Variants in GRIA3 observed in about 807,000 individuals in gnomAD.
GRIA3 encodes glutamate receptor 3.
Under a neutral mutation model 63.0 loss-of-function variants are expected in GRIA3, and 3 were observed. That is an observed-to-expected ratio of 0.05 (90% CI 0.02 to 0.12). The LOEUF is 0.12. Among genes scored for constraint, GRIA3 ranks in the 10% least tolerant of loss-of-function variants. The probability of loss-of-function intolerance (pLI) is 1.00; values close to 1 mark genes in which losing one functional copy is unlikely to be tolerated. For missense variants in GRIA3, 347 were observed against 700.9 expected (o/e 0.50, Z 5.70); for synonymous variants, 274 against 257.9 (o/e 1.06, Z -0.60).
chrX:123,296,808 A>G (rs1286068089), intron 3 of GRIA3, among the ~76,000 whole-genome samples: 1 of 111,211 alleles, frequency 9.0e-6, no homozygotes, highest in Non-Finnish European at 1.9e-5. Context: ...ACTCATCTTT[A>G]TATTGTTCAC....
chrX:123,462,377 C>A (rs1342817084), intron 12 of GRIA3, among the ~76,000 whole-genome samples: 2 of 111,979 alleles, frequency 1.8e-5, no homozygotes, highest in African/African-American at 6.5e-5. Context: ...TCCACCTAAG[C>A]TCATTTCCTA....
At chrX:123,189,112 CAG>C (rs1475471834) in intron 2 of GRIA3, among the ~76,000 whole-genome samples, 5 of 111,946 alleles carry the variant, frequency 4.5e-5, no homozygotes, top group African/African-American at 1.6e-4. Flanking sequence ...GATCTCAACT[CAG>C]AGATGGATTG....
At chrX:123,263,989 C>G (rs778638084) in intron 3 of GRIA3, among the ~76,000 whole-genome samples, 1 of 111,831 alleles carries the variant, frequency 8.9e-6, no homozygotes, top group Non-Finnish European at 1.9e-5. Flanking sequence ...TTCCCCTCCC[C>G]CTAAATAAAG....
At position 123,206,399 on chromosome X, in the gene GRIA3, C is replaced by T. The variant is rs1181462448; in HGVS notation, c.268+20409C>T. Among the ~76,000 whole-genome samples, 6 of 112,117 alleles carry T rather than the reference C, an allele frequency of 5.4e-5. No individual in the cohort carries two copies. The East Asian group carries it at 1.1e-3, about 21-fold the overall frequency. ...ATATTCCATAGTCACCGGCTTCTTT[C>T]GCTAGTAGAGTCGTCAGCGAGATGC... is the stretch of plus-strand genomic sequence containing the variant. On this transcript the variant is annotated intron_variant, in intron 2 of 15. Coordinates refer to ENST00000620443, the MANE Select transcript of GRIA3 (RefSeq NM_007325.5).
At chrX:123,399,365 A>G (rs181899051) in intron 7 of GRIA3, among the ~76,000 whole-genome samples, 1 of 112,213 alleles carries the variant, frequency 8.9e-6, no homozygotes, top group East Asian at 2.8e-4. Flanking sequence ...AGGTCTACTT[A>G]AGAAGCTTTT....
At chrX:123,378,028 T>A (rs1476222419) in intron 5 of GRIA3, among the ~76,000 whole-genome samples, 1 of 112,235 alleles carries the variant, frequency 8.9e-6, no homozygotes, top group East Asian at 2.8e-4. Flanking sequence ...TCAGTCTCCC[T>A]ATTTCACTTC....
chrX:123,266,442 A>T (rs1442103907), intron 3 of GRIA3, among the ~76,000 whole-genome samples: 4 of 111,469 alleles, frequency 3.6e-5, no homozygotes, highest in Non-Finnish European at 7.5e-5. Context: ...CTCATCCTTG[A>T]ATCTTGCCTC....
chrX:123,470,603 C>CGAGGG (rs2045857076), intron 13 of GRIA3, among the ~76,000 whole-genome samples: 1 of 111,979 alleles, frequency 8.9e-6, no homozygotes, highest in Non-Finnish European at 1.9e-5. Context: ...TCGGACAGCC[C>CGAGGG]ATTTCCAAAA....
chrX:123,380,590 T>TTCATTCCCAGAGTGAAC (rs1216928044), intron 5 of GRIA3, among the ~76,000 whole-genome samples: 17 of 112,027 alleles, frequency 1.5e-4, no homozygotes, highest in Admixed American at 1.3e-3. Flanking sequence ...TCCCATTCTG[T>TTCATTCCCAGAGTGAAC]AGGTTGCCTG....
chrX:123,436,615 C>T (rs2045645693), intron 12 of GRIA3, among the ~76,000 whole-genome samples: 1 of 112,138 alleles, frequency 8.9e-6, no homozygotes, highest in Non-Finnish European at 1.9e-5. Context: ...CTCCATTAGT[C>T]CTCCAAGGTA....
chrX:123,379,740 C>T (rs1263741108), intron 5 of GRIA3, among the ~76,000 whole-genome samples: 1 of 102,645 alleles, frequency 9.7e-6, no homozygotes, highest in Non-Finnish European at 2.0e-5. Context: ...GTGTGCTGCA[C>T]CCATTAACTC....
intron 15 of GRIA3, among the ~76,000 whole-genome samples, chrX:123,483,257 C>CA (rs1441716039): frequency 9.1e-6 from 1 of 109,485 alleles, no homozygotes; most frequent in Non-Finnish European, 1.9e-5. Context: ...GGTCTGTGAC[C>CA]CAAAAGGAAA....
chrX:123,454,331 G>A (rs1292864251), intron 12 of GRIA3, among the ~76,000 whole-genome samples: 1 of 110,949 alleles, frequency 9.0e-6, no homozygotes, highest in Non-Finnish European at 1.9e-5. Context: ...GTTTAAATGG[G>A]GTAATATATA....
intron 4 of GRIA3, among the ~76,000 whole-genome samples, chrX:123,339,913 A>G (rs1188670239): frequency 8.9e-6 from 1 of 112,529 alleles, no homozygotes; most frequent in Non-Finnish European, 1.9e-5. Context: ...CCAGTACACT[A>G]ACATGGTATC....
intron 3 of GRIA3, among the ~76,000 whole-genome samples, chrX:123,286,692 C>T (rs1433630174): frequency 9.0e-6 from 1 of 111,628 alleles, no homozygotes; most frequent in Non-Finnish European, 1.9e-5. Context: ...TGGACACACA[C>T]ACCCTTCCAA....
intron 9 of GRIA3, among the ~76,000 whole-genome samples, chrX:123,404,351 A>G (rs2045459863): frequency 1.8e-5 from 2 of 110,830 alleles, no homozygotes; most frequent in African/African-American, 6.6e-5. Context: ...CAATTCCTAC[A>G]TAATAAATCT....
intron 12 of GRIA3, among the ~76,000 whole-genome samples, chrX:123,437,110 C>T (rs1375753742): frequency 9.2e-6 from 1 of 108,440 alleles, no homozygotes; most frequent in Non-Finnish European, 1.9e-5. Flanking sequence ...CAAAAGCCTA[C>T]TAGATGATGT....
At chrX:123,290,075 C>T (rs1453501495) in intron 3 of GRIA3, among the ~76,000 whole-genome samples, 2 of 110,481 alleles carry the variant, frequency 1.8e-5, no homozygotes, top group African/African-American at 3.3e-5. Flanking sequence ...GAAAAAGAGA[C>T]ATTGAGAGAG....
At chrX:123,438,209 C>A (rs1214954461) in intron 12 of GRIA3, among the ~76,000 whole-genome samples, 1 of 112,065 alleles carries the variant, frequency 8.9e-6, no homozygotes, top group Non-Finnish European at 1.9e-5. Context: ...TATGAATCCA[C>A]CTATCTAAGT....
Sources: allele counts gnomAD v4.1 joint callset (sites outside exome capture counted in the v4.1 genomes callset), GRCh38; gene constraint gnomAD v4.1.1; transcripts MANE v1.5; gene names NCBI Gene and HGNC (gene_info 2026-07-23, HGNC 2026-07-21).